RBFOX2: variants seen among roughly 807,000 people sequenced by gnomAD.
RBFOX2 encodes RNA binding protein fox-1 homolog 2.
In RBFOX2, 10 loss-of-function variants were observed where a neutral mutation model predicts 49.1. That is an observed-to-expected ratio of 0.20 (90% CI 0.13 to 0.35). The LOEUF (loss-of-function observed/expected upper bound fraction) is 0.35, where lower values mean the gene tolerates loss of function less well. Among genes scored for constraint, RBFOX2 ranks in the 10% least tolerant of loss-of-function variants. The pLI is 1.00. For synonymous variants in RBFOX2, 183 were observed against 187.4 expected (o/e 0.98, Z 0.19); for missense variants, 323 against 486.9 (o/e 0.66, Z 3.17).
chr22:35,812,287 A>C (rs566531413), intron 1 of RBFOX2, among the ~76,000 whole-genome samples: 280 of 151,490 alleles, frequency 1.8e-3, no homozygotes, highest in African/African-American at 5.7e-3. Flanking sequence ...AAAAAAAAAA[A>C]CCCCTCTCTT....
chr22:36,017,785 T>C (rs2059098159), intron 1 of RBFOX2, among the ~76,000 whole-genome samples: 1 of 152,172 alleles, frequency 6.6e-6, no homozygotes. Context: ...TTAACCACAC[T>C]ATCACAAAGG....
intron 2 of RBFOX2, among the ~76,000 whole-genome samples, chr22:35,799,392 T>G (rs1376010542): frequency 6.6e-6 from 1 of 152,202 alleles, no homozygotes; most frequent in Non-Finnish European, 1.5e-5. Flanking sequence ...TGGGACCAAC[T>G]GACTATCAAA....
intron 1 of RBFOX2, among the ~76,000 whole-genome samples, chr22:35,831,609 C>T (rs1473773022): frequency 6.6e-6 from 1 of 152,154 alleles, no homozygotes; most frequent in Non-Finnish European, 1.5e-5. Context: ...TCAGCACAGC[C>T]GGGTAGTTGT....
chr22:35,825,494 C>A (rs1185752899), intron 1 of RBFOX2, among the ~76,000 whole-genome samples: 1 of 150,250 alleles, frequency 6.7e-6, no homozygotes, highest in Non-Finnish European at 1.5e-5. Flanking sequence ...TAATGTAATA[C>A]CTGTCATCAA....
intron 1 of RBFOX2, among the ~76,000 whole-genome samples, chr22:35,926,901 A>G (rs80233461): frequency 0.033 from 5,017 of 152,304 alleles, 119 homozygotes; most frequent in Non-Finnish European, 0.045. Flanking sequence ...TTACCTGGAA[A>G]GCCAAAGGCA....
rs557410483 is a variant in RBFOX2, at chr22:35,791,598, A to G, written c.253-9852T>C. ...ATTTCAAATTATTGGTTTGATGAAG[A>G]AAAAAACCCACATTTAAATCTAACA... On this transcript the variant is annotated intron_variant, in intron 2 of 11. Coordinates refer to ENST00000405409, the Ensembl canonical transcript of RBFOX2. Among the ~76,000 whole-genome samples, 8 of 152,350 alleles carry G rather than the reference A, an allele frequency of 5.3e-5. No individual in the cohort carries two copies. The South Asian group carries it at 6.2e-4, about 12-fold the overall frequency.
At chr22:35,985,945 TAGATAGATAG>T (rs1276678484) in intron 1 of RBFOX2, among the ~76,000 whole-genome samples, 8 of 141,770 alleles carry the variant, frequency 5.6e-5, no homozygotes, top group South Asian at 2.2e-4. Context: ...GATAGATAGA[TAGATAGATAG>T]AGTCTTCCTC....
At chr22:35,891,412 C>T (rs1468951318) in intron 1 of RBFOX2, among the ~76,000 whole-genome samples, 3 of 151,912 alleles carry the variant, frequency 2.0e-5, no homozygotes, top group Non-Finnish European at 2.9e-5. Context: ...GGATTACAGG[C>T]GTGAGCCACT....
chr22:35,960,164 A>G (rs539185848), intron 1 of RBFOX2, among the ~76,000 whole-genome samples: 1 of 152,340 alleles, frequency 6.6e-6, no homozygotes, highest in South Asian at 2.1e-4. Context: ...TCTGTAATTC[A>G]AAGAAATATA....
chr22:35,852,668 A>C (rs761099686), intron 1 of RBFOX2, among the ~76,000 whole-genome samples: 1 of 152,152 alleles, frequency 6.6e-6, no homozygotes, highest in Non-Finnish European at 1.5e-5. Flanking sequence ...AATCACTATT[A>C]AATCTCCTAA....
intron 1 of RBFOX2, among the ~76,000 whole-genome samples, chr22:35,871,257 G>A (rs977117493): frequency 3.3e-5 from 5 of 152,206 alleles, no homozygotes; most frequent in Non-Finnish European, 7.3e-5. Context: ...CCCAAGTAAT[G>A]TGTACTCTAT....
At chr22:35,812,308 A>C (rs1952055497) in intron 1 of RBFOX2, among the ~76,000 whole-genome samples, 1 of 151,966 alleles carries the variant, frequency 6.6e-6, no homozygotes, top group Non-Finnish European at 1.5e-5. Context: ...TAGTTCTTAG[A>C]AAATATGTTA....
chr22:35,884,030 T>C, intron 1 of RBFOX2, among the ~76,000 whole-genome samples: 1 of 115,806 alleles, frequency 8.6e-6, no homozygotes, highest in East Asian at 2.9e-4. Flanking sequence ...TTTTTTGTGA[T>C]ACAGGGTCTC....
intron 1 of RBFOX2, among the ~76,000 whole-genome samples, chr22:35,889,424 C>T (rs2046988048): frequency 6.6e-6 from 1 of 152,070 alleles, no homozygotes; most frequent in Non-Finnish European, 1.5e-5. Flanking sequence ...ATCTTCCCTC[C>T]TACAAAAACC....
intron 2 of RBFOX2, among the ~76,000 whole-genome samples, chr22:35,785,223 AT>A (rs929611830): frequency 5.9e-5 from 9 of 151,962 alleles, no homozygotes; most frequent in Admixed American, 1.3e-4. Flanking sequence ...TTATCTAATT[AT>A]TTTTTTCACT....
chr22:36,024,738 C>CA lies in RBFOX2; in HGVS notation c.186+3501dup, dbSNP rs1410077530. On this transcript the variant is annotated intron_variant, in intron 1 of 13. Coordinates refer to the RBFOX2 transcript ENST00000438146. ...CCTGGGCAACAGTGAGACTCCATCT[C>CA]AAAAAAAAAGAAAAAAAAGACGTGT... Among the ~76,000 whole-genome samples, 16 of 147,170 alleles carry CA rather than the reference C, an allele frequency of 1.1e-4. No individual in the cohort carries two copies. In the South Asian group the frequency reaches 2.6e-3, roughly 24 times the overall value.
upstream of RBFOX2, among the ~76,000 whole-genome samples, chr22:35,939,519 C>A (rs1388456224): frequency 6.6e-6 from 1 of 152,120 alleles, no homozygotes; most frequent in Non-Finnish European, 1.5e-5. Context: ...TACTCTATAT[C>A]ATCCTATGGA....
chr22:35,941,109 T>G (rs904310738), upstream of RBFOX2, among the ~76,000 whole-genome samples: 8 of 152,196 alleles, frequency 5.3e-5, no homozygotes, highest in East Asian at 1.5e-3. Context: ...AATCTGTTAT[T>G]TAAAAATAAT....
exon 1 of RBFOX2, chr22:35,840,534 C>T: frequency 1.5e-5 from 18 of 1,216,324 alleles, no homozygotes; most frequent in South Asian, 2.3e-5. Flanking sequence ...CTCCCCCCAC[C>T]CCCTCCCAGC....
Sources: allele counts gnomAD v4.1 joint callset (sites outside exome capture counted in the v4.1 genomes callset), GRCh38; gene constraint gnomAD v4.1.1; transcripts MANE v1.5; gene names NCBI Gene and HGNC (gene_info 2026-07-23, HGNC 2026-07-21).